TDRD3: variants seen among roughly 807,000 people sequenced by gnomAD.
TDRD3 encodes the protein tudor domain-containing protein 3.
TDRD3 carries 45 observed loss-of-function variants against 86.7 expected under a neutral mutation model. The observed-to-expected ratio is 0.52, with a 90% confidence interval of 0.41 to 0.67. The LOEUF is 0.67. Among genes scored for constraint, TDRD3 ranks in the 30% least tolerant of loss-of-function variants. The probability of loss-of-function intolerance (pLI) is 0.00; values close to 1 mark genes in which losing one functional copy is unlikely to be tolerated. For missense variants in TDRD3, 814 were observed against 889.0 expected (o/e 0.92, Z 1.07); for synonymous variants, 298 against 301.7 (o/e 0.99, Z 0.13).
intron 1 of TDRD3, among the ~76,000 whole-genome samples, chr13:60,439,035 GAATT>G (rs543264843): frequency 7.2e-5 from 11 of 151,980 alleles, no homozygotes; most frequent in Non-Finnish European, 1.5e-4. Context: ...CTTTACTCTT[GAATT>G]AATTGTCTCT....
intron 1 of TDRD3, among the ~76,000 whole-genome samples, chr13:60,397,871 G>GAGGGC (rs1953977324): frequency 6.6e-6 from 1 of 152,136 alleles, no homozygotes. Flanking sequence ...ATAGGAAGTT[G>GAGGGC]AGGGCAGAGC....
At chr13:60,411,225 A>C (rs922725556) in intron 1 of TDRD3, among the ~76,000 whole-genome samples, 1 of 152,226 alleles carries the variant, frequency 6.6e-6, no homozygotes, top group Admixed American at 6.5e-5. Flanking sequence ...GTAGTTTCTT[A>C]ACAAATTGAG....
rs145561227 is a variant in TDRD3 at position 60,529,322 on chromosome 13, T to C, written c.1992+105T>C. On this transcript the variant is annotated intron_variant, in intron 11 of 13. Transcript: ENST00000377881. The stretch of plus-strand genomic sequence containing the variant: ...TGGAACTATGAGTCTTTTTCTACTA[T>C]TGTACCTGTTTAAAATCTTTGAACA... 589 of 1,248,938 alleles carry C rather than the reference T, an allele frequency of 4.7e-4. 1 individual carries two copies. In the African/African-American group the frequency reaches 7.7e-3, roughly 16 times the overall value. 77.4% of individuals were successfully genotyped at this position (1,248,938 alleles called of 1,614,324 possible).
chr13:60,529,308 G>T (rs1957529019), intron 11 of TDRD3, 91 bp downstream of exon 11: 1 of 1,368,808 alleles, frequency 7.3e-7, no homozygotes, highest in South Asian at 1.6e-5. Context: ...GGAACTATGA[G>T]TCTTTTTCTA....
intron 12 of TDRD3, among the ~76,000 whole-genome samples, chr13:60,543,825 A>C (rs528609109): frequency 8.5e-5 from 13 of 152,144 alleles, no homozygotes; most frequent in African/African-American, 3.1e-4. Flanking sequence ...ATTGCATACA[A>C]ATATTTTATT....
intron 13 of TDRD3, among the ~76,000 whole-genome samples, chr13:60,571,636 TTAAATCAG>T (rs1166557682): frequency 6.6e-6 from 1 of 152,248 alleles, no homozygotes; most frequent in South Asian, 2.1e-4. Context: ...TAAGTGTTTA[TTAAATCAG>T]TATGTTTTGA....
chr13:60,417,540 C>T (rs61970121), intron 1 of TDRD3, among the ~76,000 whole-genome samples: 22,694 of 151,336 alleles, frequency 0.15, 2,127 homozygotes, highest in South Asian at 0.28. Flanking sequence ...TGGAGTTTCA[C>T]CATGTTGGCC....
At chr13:60,444,773 CATTA>C (rs1347411909) in intron 3 of TDRD3, 25 bp downstream of exon 3, 4 of 1,288,028 alleles carry the variant, frequency 3.1e-6, no homozygotes, top group East Asian at 5.4e-5. Flanking sequence ...TAACTTCTTA[CATTA>C]ATTAATTTAG....
chr13:60,447,485 G>A (rs543714832), intron 3 of TDRD3, among the ~76,000 whole-genome samples: 17 of 152,204 alleles, frequency 1.1e-4, no homozygotes, highest in Middle Eastern at 3.4e-3. Context: ...GGCAAGCTTC[G>A]AGAATTATGA....
At chr13:60,464,252 G>A (rs1955864562) in intron 4 of TDRD3, among the ~76,000 whole-genome samples, 1 of 152,094 alleles carries the variant, frequency 6.6e-6, no homozygotes, top group Admixed American at 6.6e-5. Context: ...TAAGACAATA[G>A]CAAATGCTGT....
chr13:60,545,855 C>T (rs1325325269), intron 12 of TDRD3, among the ~76,000 whole-genome samples: 3 of 151,964 alleles, frequency 2.0e-5, no homozygotes, highest in Non-Finnish European at 4.4e-5. Context: ...TTTAGGTGAA[C>T]TGTTTATTCT....
In TDRD3 at chr13:60,455,269, A is replaced by G. The variant is rs192055044; in HGVS notation, c.193-5111A>G. 3.1e-3 allele frequency among the ~76,000 whole-genome samples: 478 copies of G among 152,364 alleles called. 3 individuals carry two copies. Among genetic ancestry groups the G allele is most frequent in the African/African-American group, 0.01 (432 of 41,594 alleles). On this transcript the variant is annotated intron_variant, in intron 3 of 13. Transcript: ENST00000377881. ...AAATGATACTAAGAGATGTTTTGAC[A>G]GAGAAAGTAGGTAAAAAAGAGGTCG...
intron 8 of TDRD3, among the ~76,000 whole-genome samples, chr13:60,500,254 A>C (rs1956803827): frequency 6.6e-6 from 1 of 152,208 alleles, no homozygotes; most frequent in Non-Finnish European, 1.5e-5. Flanking sequence ...TCACCATAAA[A>C]TGGCTCATGC....
chr13:60,514,609 G>A (rs900029063), intron 10 of TDRD3, among the ~76,000 whole-genome samples: 27 of 152,160 alleles, frequency 1.8e-4, no homozygotes, highest in African/African-American at 6.3e-4. Context: ...CAGTCCAAGT[G>A]GAGGGAGCAC....
chr13:60,474,371 GC>G (rs539365795), intron 5 of TDRD3, among the ~76,000 whole-genome samples: 3 of 151,466 alleles, frequency 2.0e-5, no homozygotes, highest in Admixed American at 6.6e-5. Context: ...GGTGGTAGTG[GC>G]CCCCCCCGGG....
chr13:60,408,681 T>G (rs1332633453), intron 1 of TDRD3, among the ~76,000 whole-genome samples: 4 of 152,212 alleles, frequency 2.6e-5, no homozygotes, highest in Non-Finnish European at 5.9e-5. Context: ...AAGAAATTTC[T>G]AAGCAGCATA....
In TDRD3 at chr13:60,535,014, C is replaced by T. The variant is rs150237547; in HGVS notation, c.1993-94C>T. 8,279 of 1,403,058 alleles carry T rather than the reference C, an allele frequency of 5.9e-3. 60 individuals carry two copies. The highest frequency in any genetic ancestry group is 7.6e-3 in the Middle Eastern group (39 of 5,144). 86.9% of individuals were successfully genotyped at this position (1,403,058 alleles called of 1,614,324 possible). A position where few individuals can be genotyped will look rare whatever the true frequency, so the allele number is the denominator to read the frequency against. ...AAGTTTCCTTCTAAAGAATATTACA[C>T]ATTGGAACACTTTAAAAATTTACAT... On this transcript the variant is annotated intron_variant, in intron 11 of 13. Coordinates refer to ENST00000377881, the MANE Select transcript of TDRD3 (RefSeq NM_001146070.2).
At chr13:60,440,479 G>A (rs755139598) in intron 2 of TDRD3, among the ~76,000 whole-genome samples, 29 of 152,158 alleles carry the variant, frequency 1.9e-4, no homozygotes, top group Non-Finnish European at 3.8e-4. Context: ...TCAGGAGTTC[G>A]AGACCAGCCT....
At chr13:60,498,689 C>T (rs1180944080) in intron 8 of TDRD3, among the ~76,000 whole-genome samples, 1 of 152,002 alleles carries the variant, frequency 6.6e-6, no homozygotes, top group Non-Finnish European at 1.5e-5. Context: ...GAGGAAAGAC[C>T]CCACCGACAG....
Sources: allele counts gnomAD v4.1 joint callset (sites outside exome capture counted in the v4.1 genomes callset), GRCh38; gene constraint gnomAD v4.1.1; transcripts MANE v1.5; gene names NCBI Gene and HGNC (gene_info 2026-07-23, HGNC 2026-07-21).